Variants in KCND3 observed in about 807,000 individuals in gnomAD.
KCND3 encodes potassium voltage-gated channel subfamily D member 3, also known as A-type voltage-gated potassium channel KCND3.
KCND3 carries 9 observed loss-of-function variants against 51.1 expected under a neutral mutation model. The observed-to-expected ratio is 0.18, with a 90% CI of 0.11 to 0.31. The LOEUF (loss-of-function observed/expected upper bound fraction) is 0.31. KCND3 is among the 10% of genes least tolerant of loss of function. The pLI is 1.00. For synonymous variants in KCND3, 349 were observed against 368.0 expected, an observed-to-expected ratio of 0.95 and a Z score of 0.59; for missense variants, 526 against 903.8, an observed-to-expected ratio of 0.58 and a Z score of 5.36.
At chr1:111,960,744 C>A (rs949091667) in intron 2 of KCND3, among the ~76,000 whole-genome samples, 1 of 152,226 alleles carries the variant, frequency 6.6e-6, no homozygotes, top group African/African-American at 2.4e-5. Context: ...TTCTCTCCAA[C>A]CCCTTCTCTA....
At chr1:111,960,650 G>A (rs1673598227) in intron 2 of KCND3, among the ~76,000 whole-genome samples, 1 of 152,230 alleles carries the variant, frequency 6.6e-6, no homozygotes, top group Non-Finnish European at 1.5e-5. Context: ...GAAATCCCAT[G>A]TTAACCATAC....
intron 2 of KCND3, among the ~76,000 whole-genome samples, chr1:111,787,463 A>G (rs992166569): frequency 3.9e-5 from 6 of 152,238 alleles, no homozygotes; most frequent in Middle Eastern, 3.2e-3. Flanking sequence ...GCTGAATGTA[A>G]AGGAGCCAGC....
chr1:111,886,558 C>T (rs1669580559), intron 2 of KCND3, among the ~76,000 whole-genome samples: 1 of 152,196 alleles, frequency 6.6e-6, no homozygotes, highest in African/African-American at 2.4e-5. Context: ...GAACCAGGCC[C>T]TCTTCAATTT....
At chr1:111,818,387 A>G (rs923279864) in intron 2 of KCND3, among the ~76,000 whole-genome samples, 1 of 152,184 alleles carries the variant, frequency 6.6e-6, no homozygotes, top group African/African-American at 2.4e-5. Flanking sequence ...TCAGAGGCCA[A>G]AGGCAGATGG....
rs1364587825 is a variant in KCND3 at position 111,830,970 on chromosome 1, G to A, written c.1107-43864C>T. Among the ~76,000 whole-genome samples the A allele has an allele frequency of 2.6e-5, 4 of 152,204 alleles. No homozygotes were observed. In the East Asian group the frequency reaches 5.8e-4, roughly 22 times the overall value. On this transcript the variant is annotated intron_variant, in intron 2 of 7. Transcript: ENST00000302127. The stretch of plus-strand genomic sequence containing the variant: ...GAACTGCTTTGTTAAACTAGACAAT[G>A]TGGAAAACATTGCTTATAATAAGCA...
rs532142103 is a variant in KCND3 at position 111,891,455 on chromosome 1, T to G, written c.1106+90166A>C. Reference sequence around the variant, plus strand: ...GACTTCAAGGATGCAGAAGGCTTGCTGGAGTGGTGTCATGCAAGAGGCACA... The same window carrying G: ...GACTTCAAGGATGCAGAAGGCTTGCGGGAGTGGTGTCATGCAAGAGGCACA... On this transcript the variant is annotated intron_variant, in intron 2 of 7. Transcript: ENST00000302127. Among the ~76,000 whole-genome samples the G allele has an allele frequency of 2.0e-5, 3 of 152,340 alleles. No individual in the cohort carries two copies. In the South Asian group the frequency reaches 6.2e-4, roughly 32 times the overall value.
In KCND3 at chr1:111,777,171, C is replaced by T; in HGVS notation, c.1621G>A (p.Gly541Ser). Residue 541 changes from glycine (G) to serine (S), a missense_variant, in exon 7 of 8, where the codon GGC (glycine) becomes AGC (serine). Gly to Ser is a moderately conservative substitution (Grantham distance 56, BLOSUM62 0). This residue lies in a region of KCND3 where 266 missense variants were observed against 305.5 expected (regional missense o/e 0.87). Coordinates refer to ENST00000302127, the MANE Select transcript of KCND3 (RefSeq NM_001378969.1). ...CGGGAGCAGCAGGTGGTAGTGAGGCCTGGGTGGCTGGACAGTGAGGGACTT... is the reference window on the plus strand; with the variant it reads ...CGGGAGCAGCAGGTGGTAGTGAGGCTTGGGTGGCTGGACAGTGAGGGACTT... ...TRSPSLSSHP[G>S]LTTTCCSRRS... The T allele has an allele frequency of 1.2e-6, 2 of 1,614,180 alleles. No individual in the cohort carries two copies. The highest frequency in any genetic ancestry group is 2.2e-5 in the East Asian group (1 of 44,880).
intron 3 of KCND3, among the ~76,000 whole-genome samples, chr1:111,785,813 C>G (rs1664578029): frequency 6.6e-6 from 1 of 152,048 alleles, no homozygotes; most frequent in Non-Finnish European, 1.5e-5. Context: ...GGAGGTTATC[C>G]CTGCAAGCAG....
chr1:111,822,738 G>A (rs1186348342), intron 2 of KCND3, among the ~76,000 whole-genome samples: 2 of 152,200 alleles, frequency 1.3e-5, no homozygotes, highest in Non-Finnish European at 2.9e-5. Context: ...TATACCACCA[G>A]AAGTGGAATT....
chr1:111,917,897 T>C (rs1671297533), intron 2 of KCND3, among the ~76,000 whole-genome samples: 1 of 152,282 alleles, frequency 6.6e-6, no homozygotes, highest in Admixed American at 6.5e-5. Context: ...TAGGCACATT[T>C]ATGAGAAGGA....
chr1:111,919,146 T>G (rs989738897), intron 2 of KCND3, among the ~76,000 whole-genome samples: 2 of 151,146 alleles, frequency 1.3e-5, no homozygotes, highest in Non-Finnish European at 2.9e-5. Flanking sequence ...CTGTTCTAGA[T>G]GCAGGGAATG....
intron 2 of KCND3, among the ~76,000 whole-genome samples, chr1:111,892,819 T>C (rs928295856): frequency 6.6e-6 from 1 of 152,170 alleles, no homozygotes; most frequent in African/African-American, 2.4e-5. Flanking sequence ...AACCAATTAA[T>C]GAACAAAAGA....
chr1:111,985,523 T>G (rs1200932092), intron 1 of KCND3, among the ~76,000 whole-genome samples: 1 of 152,238 alleles, frequency 6.6e-6, no homozygotes, highest in Non-Finnish European at 1.5e-5. Flanking sequence ...CATAGTGAAC[T>G]GCATCAGTAG....
intron 2 of KCND3, among the ~76,000 whole-genome samples, chr1:111,968,368 GA>G (rs201293257): frequency 1.3e-5 from 2 of 150,452 alleles, no homozygotes; most frequent in Non-Finnish European, 3.0e-5. Flanking sequence ...AGGGAAAAAA[GA>G]AAAAAAAATC....
intron 2 of KCND3, among the ~76,000 whole-genome samples, chr1:111,960,728 A>G (rs1673603494): frequency 6.6e-6 from 1 of 152,136 alleles, no homozygotes; most frequent in Non-Finnish European, 1.5e-5. Context: ...GGGTTGGGGG[A>G]ACACTTTCTC....
intron 2 of KCND3, among the ~76,000 whole-genome samples, chr1:111,839,597 G>A (rs933672576): frequency 6.6e-6 from 1 of 152,284 alleles, no homozygotes; most frequent in African/African-American, 2.4e-5. Context: ...GAGAGGAAGA[G>A]CATTACACGC....
intron 2 of KCND3, among the ~76,000 whole-genome samples, chr1:111,882,339 G>A (rs577865827): frequency 1.4e-4 from 21 of 152,226 alleles, no homozygotes; most frequent in Non-Finnish European, 2.6e-4. Context: ...GGCCTCTGGC[G>A]TCCGGTTTGG....
At chr1:111,789,968 C>A (rs1232861220) in intron 2 of KCND3, among the ~76,000 whole-genome samples, 1 of 152,188 alleles carries the variant, frequency 6.6e-6, no homozygotes, top group African/African-American at 2.4e-5. Flanking sequence ...TCAAAGATTA[C>A]CAACTATGGT....
At chr1:111,846,161 A>G (rs533190923) in intron 2 of KCND3, among the ~76,000 whole-genome samples, 9 of 152,186 alleles carry the variant, frequency 5.9e-5, no homozygotes, top group Non-Finnish European at 1.3e-4. Context: ...GGGACTATTT[A>G]TAATTAAGCT....
Sources: gnomAD v4.1 joint callset for allele counts (sites outside exome capture counted in the v4.1 genomes callset) on GRCh38, gnomAD v4.1.1 for gene constraint, gnomAD v4.1.1 regional missense constraint, MANE v1.5 for transcripts, NCBI Gene and HGNC (gene_info 2026-07-23, HGNC 2026-07-21) for gene names.